The following RSF1 variants were observed in gnomAD, a reference collection of about 807,000 sequenced individuals.
The protein encoded by RSF1 is HBV pX-associated protein 8.
RSF1 carries 13 observed loss-of-function variants against 145.2 expected under a neutral mutation model. The observed-to-expected ratio is 0.09, with a 90% confidence interval of 0.06 to 0.14. The LOEUF (loss-of-function observed/expected upper bound fraction) is 0.14. Ranked by LOEUF, RSF1 falls within the 10% of genes least tolerant of loss-of-function variation. RSF1 has a pLI of 1.00. For synonymous variants in RSF1, 577 were observed against 592.6 expected (o/e 0.97, Z 0.38); for missense variants, 1,517 against 1,718.2 (o/e 0.88, Z 2.07).
chr11:77,727,284 G>C (rs1413107085), intron 4 of RSF1, among the ~76,000 whole-genome samples: 3 of 151,962 alleles, frequency 2.0e-5, no homozygotes, highest in Admixed American at 1.3e-4. Context: ...ATTCCATTGA[G>C]AATTCCATAT....
intron 1 of RSF1, among the ~76,000 whole-genome samples, chr11:77,814,378 CTGTAGTT>C (rs769564961): frequency 6.6e-6 from 1 of 152,026 alleles, no homozygotes; most frequent in Non-Finnish European, 1.5e-5. Context: ...TGGCATGTGC[CTGTAGTT>C]CCAACTACTC....
intron 9 of RSF1, among the ~76,000 whole-genome samples, chr11:77,689,189 C>T (rs762951404): frequency 2.0e-5 from 3 of 152,240 alleles, no homozygotes; most frequent in Non-Finnish European, 4.4e-5. Context: ...ATCACAATGC[C>T]TGCCCTAATT....
chr11:77,764,750 GATA>G (rs1240309993), intron 1 of RSF1, 61 bp from the exon 2 acceptor site: 1 of 1,036,732 alleles, frequency 9.6e-7, no homozygotes, highest in Non-Finnish European at 1.4e-6. Context: ...AAACATTTAA[GATA>G]ATAAAAAAAT....
At position 77,701,963 on chromosome 11, in the gene RSF1, T is replaced by C; in HGVS notation, c.1266A>G (p.Glu422=). The change falls in exon 6 of 16, where the codon GAA becomes GAG. Residue 422 remains glutamate, a synonymous_variant. Transcript: ENST00000308488. The part of the protein sequence containing the change: ...EFLKDEIKQE[E]ETCKRISTIT... ...TTGTAGAGATCCTTTTACAAGTCTC[T>C]TCCTCTTGTTTTATTTCATCTTTCA... 6.2e-7 allele frequency: 1 copy of C among 1,613,914 alleles called. No individual in the cohort carries two copies. Among genetic ancestry groups the C allele is most frequent in the Non-Finnish European group, 8.5e-7 (1 of 1,179,956 alleles).
Position 77,700,972 on chromosome 11 carries a change from G to A in RSF1, c.2257C>T (p.Leu753=), listed in dbSNP as rs1303324774. ...KKKPDSPPKV[L]EPENKQEKTE... ...TTCTCTTGCTTGTTTTCTGGTTCTA[G>A]AACTTTGGGGGGAGAATCGGGCTTC... The change falls in exon 6 of 16, where the codon CTA becomes TTA. Residue 753 remains leucine, a synonymous_variant. Coordinates refer to ENST00000308488, the MANE Select transcript of RSF1 (RefSeq NM_016578.4). 1 of 1,613,324 alleles carries A rather than the reference G, an allele frequency of 6.2e-7. No individual in the cohort carries two copies. The highest frequency in any genetic ancestry group is 1.3e-5 in the African/African-American group (1 of 74,844).
upstream of RSF1, chr11:77,820,798 G>T: frequency 7.3e-7 from 1 of 1,375,122 alleles, no homozygotes; most frequent in East Asian, 2.5e-5. Context: ...CCTTACAGAC[G>T]ACAGGAGGCG....
At chr11:77,869,995 C>A in the RSF1 span, 1 of 498,128 alleles carries the variant, frequency 2.0e-6, no homozygotes, top group East Asian at 3.3e-5. Flanking sequence ...GCTCTCCAGT[C>A]TACCTAACCC....
chr11:77,787,022 T>G (rs1437168460), intron 1 of RSF1, among the ~76,000 whole-genome samples: 2 of 151,928 alleles, frequency 1.3e-5, no homozygotes, highest in African/African-American at 4.8e-5. Context: ...AAGGCAAAGG[T>G]AGAATTAACA....
chr11:77,689,718 C>T (rs1258728346), intron 9 of RSF1, among the ~76,000 whole-genome samples: 2 of 152,268 alleles, frequency 1.3e-5, no homozygotes, highest in South Asian at 4.2e-4. Flanking sequence ...TGTTTTTGAT[C>T]TTTCCTCTTC....
intron 2 of RSF1, among the ~76,000 whole-genome samples, chr11:77,753,529 G>A (rs746732196): frequency 2.0e-5 from 3 of 150,650 alleles, no homozygotes; most frequent in South Asian, 2.1e-4. Flanking sequence ...ACAACAGGAC[G>A]GTTTTAAATG....
At chr11:77,775,511 C>T (rs184702123) in intron 1 of RSF1, among the ~76,000 whole-genome samples, 2 of 152,284 alleles carry the variant, frequency 1.3e-5, no homozygotes, top group East Asian at 3.9e-4. Flanking sequence ...CCATGGACAT[C>T]TGTATATAGG....
intron 1 of RSF1, among the ~76,000 whole-genome samples, chr11:77,804,966 T>C (rs568267505): frequency 2.0e-4 from 31 of 152,344 alleles, no homozygotes; most frequent in Admixed American, 1.1e-3. Context: ...CACTTATGTG[T>C]ACTTCTCATC....
At chr11:77,714,421 C>A (rs1392313934) in intron 5 of RSF1, among the ~76,000 whole-genome samples, 1 of 152,168 alleles carries the variant, frequency 6.6e-6, no homozygotes, top group Non-Finnish European at 1.5e-5. Flanking sequence ...TAATTCAAAC[C>A]ACAACAAACT....
At chr11:77,809,212 A>G (rs1948708404) in intron 1 of RSF1, among the ~76,000 whole-genome samples, 1 of 152,262 alleles carries the variant, frequency 6.6e-6, no homozygotes, top group Admixed American at 6.5e-5. Context: ...GACACTATAA[A>G]TAGAGTGGCT....
chr11:77,817,234 A>T (rs1431771955), intron 1 of RSF1, among the ~76,000 whole-genome samples: 1 of 152,222 alleles, frequency 6.6e-6, no homozygotes, highest in Non-Finnish European at 1.5e-5. Flanking sequence ...GCTAAATTTC[A>T]ACAAATAATG....
At chr11:77,734,913 C>CATGG in intron 4 of RSF1, 18 of 1,583,586 alleles carry the variant, frequency 1.1e-5, no homozygotes, top group Non-Finnish European at 1.5e-5. Context: ...AGCAGTAAGA[C>CATGG]ATGGACAGGT....
At chr11:77,696,960 A>G (rs1401221091) in intron 7 of RSF1, among the ~76,000 whole-genome samples, 1 of 152,214 alleles carries the variant, frequency 6.6e-6, no homozygotes, top group African/African-American at 2.4e-5. Flanking sequence ...GTAAGAAAGA[A>G]AAGAGTAAGT....
At chr11:77,750,422 A>G (rs1387956517) in intron 2 of RSF1, among the ~76,000 whole-genome samples, 1 of 152,230 alleles carries the variant, frequency 6.6e-6, no homozygotes, top group Non-Finnish European at 1.5e-5. Flanking sequence ...GTTTATGGAT[A>G]ATGAAATTTG....
In RSF1 at chr11:77,662,403, A is replaced by T. The variant is rs1959251146; in HGVS notation, c.*4514T>A. ...CTTCCAGGAGGGTTTGCATGAATGAATACAAAAAGTGGTGAGTGTATACTC... is the reference window on the plus strand; with the variant it reads ...CTTCCAGGAGGGTTTGCATGAATGATTACAAAAAGTGGTGAGTGTATACTC... On this transcript the variant is annotated 3_prime_UTR_variant, in exon 16 of 16. Coordinates refer to ENST00000308488, the MANE Select transcript of RSF1 (RefSeq NM_016578.4). 6.6e-6 allele frequency: 1 copy of T among 152,248 alleles called. No homozygotes were observed. Among genetic ancestry groups the T allele is most frequent in the African/African-American group, 2.4e-5 (1 of 41,586 alleles). 9.4% of individuals were successfully genotyped at this position (152,248 alleles called of 1,614,324 possible).
Sources: allele counts gnomAD v4.1 joint callset (sites outside exome capture counted in the v4.1 genomes callset), GRCh38; gene constraint gnomAD v4.1.1; transcripts MANE v1.5; gene names NCBI Gene and HGNC (gene_info 2026-07-23, HGNC 2026-07-21).